The following RTN4RL1 variants were observed in gnomAD, a reference collection of about 807,000 sequenced individuals.
The protein encoded by RTN4RL1 is reticulon-4 receptor-like 1.
RTN4RL1 carries 7 observed loss-of-function variants against 25.6 expected under a neutral mutation model. That is an observed-to-expected ratio of 0.27 (90% CI 0.16 to 0.51). RTN4RL1 has a LOEUF of 0.51. Among genes scored for constraint, RTN4RL1 ranks in the 20% least tolerant of loss-of-function variants. The probability of loss-of-function intolerance (pLI) is 0.97; values close to 1 mark genes in which losing one functional copy is unlikely to be tolerated. For missense variants in RTN4RL1, 500 were observed against 615.6 expected (o/e 0.81, Z 1.99); for synonymous variants, 297 against 288.2 (o/e 1.03, Z -0.31).
intron 1 of RTN4RL1, among the ~76,000 whole-genome samples, chr17:1,946,306 G>A (rs1297335646): frequency 6.6e-6 from 1 of 152,222 alleles, no homozygotes; most frequent in African/African-American, 2.4e-5. Flanking sequence ...GGAAGGGGAG[G>A]GGCACACAGG....
intron 1 of RTN4RL1, among the ~76,000 whole-genome samples, chr17:1,992,625 AG>A (rs2066914429): frequency 6.6e-6 from 1 of 152,190 alleles, no homozygotes; most frequent in Non-Finnish European, 1.5e-5. Flanking sequence ...TGGCTGGGAA[AG>A]CTCCCTGTGC....
Position 1,994,864 on chromosome 17 carries a change from G to C in RTN4RL1, c.13+29989C>G, listed in dbSNP as rs113397650. The stretch of plus-strand genomic sequence containing the variant: ...TATAATCCCAGTACTTTGGGAAGCC[G>C]AGGTGGGAGGACTGCTTGAAGCCAG... On this transcript the variant is annotated intron_variant, in intron 1 of 1. Transcript: ENST00000331238. This position sits in a 1 kb window ranked among gnomAD's most constrained non-coding sequence, Gnocchi z 4.3. Among the ~76,000 whole-genome samples, 1 of 151,924 alleles carries C rather than the reference G, an allele frequency of 6.6e-6. No homozygotes were observed. Among genetic ancestry groups the C allele is most frequent in the South Asian group, 2.1e-4 (1 of 4,820 alleles).
At chr17:1,977,051 T>C (rs2066845412) in intron 1 of RTN4RL1, among the ~76,000 whole-genome samples, 1 of 152,242 alleles carries the variant, frequency 6.6e-6, no homozygotes, top group Non-Finnish European at 1.5e-5. Context: ...TTTGTTTCTT[T>C]GTATTTATTT....
At chr17:2,013,633 G>GGGGTTT (rs1567528149) in intron 1 of RTN4RL1, among the ~76,000 whole-genome samples, 3 of 128,862 alleles carry the variant, frequency 2.3e-5, no homozygotes, top group East Asian at 2.6e-4. Context: ...CCCTCACCCT[G>GGGGTTT]GAACATAAAT....
chr17:1,935,713 A>T lies in RTN4RL1; in HGVS notation c.*783T>A, dbSNP rs7406065. ...TGGGAGGGGGACTGTGCATTTGTGTATATATATATATATATATATATATAT... is the reference window on the plus strand; with the variant it reads ...TGGGAGGGGGACTGTGCATTTGTGTTTATATATATATATATATATATATAT... On this transcript the variant is annotated 3_prime_UTR_variant, in exon 2 of 2. Transcript: ENST00000331238. The T allele has an allele frequency of 9.4e-6, 1 of 106,444 alleles. No homozygotes were observed. The highest frequency in any genetic ancestry group is 1.3e-5 in the Non-Finnish European group (1 of 75,638). The allele number at this position is 106,444 out of a possible 1,614,324, so 6.6% of individuals were successfully genotyped here. A position where few individuals can be genotyped will look rare whatever the true frequency, so the allele number is the denominator to read the frequency against.
intron 1 of RTN4RL1, among the ~76,000 whole-genome samples, chr17:1,997,708 C>A (rs1237746599): frequency 2.6e-5 from 4 of 152,190 alleles, no homozygotes; most frequent in African/African-American, 9.6e-5. Flanking sequence ...CTCTAGGGCA[C>A]CCCTAGCTGC....
At chr17:1,939,331 C>A (rs986569638) in intron 1 of RTN4RL1, among the ~76,000 whole-genome samples, 1 of 150,674 alleles carries the variant, frequency 6.6e-6, no homozygotes, top group Non-Finnish European at 1.5e-5. Context: ...CCAGCCTGGG[C>A]GACAGAGCGA....
At chr17:1,983,051 C>CTT (rs574037990) in intron 1 of RTN4RL1, among the ~76,000 whole-genome samples, 1 of 147,100 alleles carries the variant, frequency 6.8e-6, no homozygotes, top group Non-Finnish European at 1.5e-5. Flanking sequence ...TCTTCTTCTT[C>CTT]TTTTTTTTTT....
At chr17:2,019,949 T>C (rs531387077) in intron 1 of RTN4RL1, 51 of 152,354 alleles carry the variant, frequency 3.3e-4, no homozygotes, top group African/African-American at 1.2e-3. Context: ...GGCATGCTGG[T>C]GAGAAAATGC....
intron 1 of RTN4RL1, among the ~76,000 whole-genome samples, chr17:1,978,694 A>C (rs1038106033): frequency 2.0e-5 from 3 of 152,136 alleles, no homozygotes; most frequent in Admixed American, 6.5e-5. Flanking sequence ...CGGAGCATGG[A>C]GCGTGGTGCT....
chr17:1,949,972 G>T (rs1354073451), intron 1 of RTN4RL1, among the ~76,000 whole-genome samples: 1 of 152,246 alleles, frequency 6.6e-6, no homozygotes, highest in Non-Finnish European at 1.5e-5. Context: ...ACTGAGCTTG[G>T]CTTGGACAAG....
In RTN4RL1 at chr17:1,935,709, GTGTATATATA is replaced by G. The variant is rs1915281443; in HGVS notation, c.*777_*786del. 1 of 199,204 alleles carries G rather than the reference GTGTATATATA, an allele frequency of 5.0e-6. No individual in the cohort carries two copies. The highest frequency in any genetic ancestry group is 3.7e-5 in the African/African-American group (1 of 27,212). The allele number at this position is 199,204 out of a possible 1,614,324, so 12.3% of individuals were successfully genotyped here. On this transcript the variant is annotated 3_prime_UTR_variant, in exon 2 of 2. Transcript: ENST00000331238. ...GGAGTGGGAGGGGGACTGTGCATTT[GTGTATATATA>G]TATATATATATATATATATATATAT...
chr17:1,991,256 C>CG (rs1567518404), intron 1 of RTN4RL1, among the ~76,000 whole-genome samples: 1 of 151,458 alleles, frequency 6.6e-6, no homozygotes, highest in Non-Finnish European at 1.5e-5. Context: ...ATGGATGCCC[C>CG]GGGGAAGGGT....
chr17:2,005,725 ATCTC>A (rs1156657186), intron 1 of RTN4RL1, among the ~76,000 whole-genome samples: 1 of 116,696 alleles, frequency 8.6e-6, no homozygotes, highest in East Asian at 2.3e-4. Context: ...GAGCAAGACC[ATCTC>A]TCTCTCTCTT....
At chr17:1,950,846 CAAAAAAAAAAA>C (rs61660812) in intron 1 of RTN4RL1, among the ~76,000 whole-genome samples, 19 of 17,796 alleles carry the variant, frequency 1.1e-3, no homozygotes, top group African/African-American at 1.9e-3. Context: ...ACACAGTCTC[CAAAAAAAAAAA>C]AAAAAAAAAA....
intron 1 of RTN4RL1, 146 bp downstream of exon 1, chr17:2,024,707 C>T (rs1442980167): frequency 1.5e-6 from 1 of 681,516 alleles, no homozygotes; most frequent in South Asian, 2.0e-5. Context: ...CCAGCAGCAG[C>T]CCCTCGGCGG....
intron 1 of RTN4RL1, among the ~76,000 whole-genome samples, chr17:1,966,551 G>A (rs972237204): frequency 2.6e-5 from 4 of 152,086 alleles, no homozygotes; most frequent in African/African-American, 4.8e-5. Flanking sequence ...TCAGTGGAGC[G>A]ATCTCAGCGT....
chr17:1,996,398 C>CCG (rs2066929622), intron 1 of RTN4RL1, among the ~76,000 whole-genome samples: 1 of 148,880 alleles, frequency 6.7e-6, no homozygotes, highest in African/African-American at 2.5e-5. Context: ...CCCTCCCCCC[C>CCG]GGCCCAAGGT....
chr17:2,018,522 C>T (rs11867392), intron 1 of RTN4RL1, among the ~76,000 whole-genome samples: 13,326 of 152,194 alleles, frequency 0.088, 628 homozygotes, highest in Admixed American at 0.12. Context: ...GCAAGCTCTG[C>T]GAGAAGCCAG....
Sources: gnomAD v4.1 joint callset for allele counts (sites outside exome capture counted in the v4.1 genomes callset) on GRCh38, gnomAD v4.1.1 for gene constraint, Gnocchi (gnomAD v3.1) non-coding constraint, MANE v1.5 for transcripts, NCBI Gene and HGNC (gene_info 2026-07-23, HGNC 2026-07-21) for gene names.